The following TSPAN15 variants were observed in gnomAD, a reference collection of about 807,000 sequenced individuals.
The protein encoded by TSPAN15 is tetraspanin 15.
A neutral mutation model predicts 34.5 loss-of-function variants in TSPAN15; 20 were observed. That is an observed-to-expected ratio of 0.58 (90% CI 0.41 to 0.84). The LOEUF is 0.84. Ranked by LOEUF, TSPAN15 falls within the 40% of genes least tolerant of loss-of-function variation. The pLI, the probability that TSPAN15 is intolerant of heterozygous loss-of-function variation, is 0.00. For synonymous variants in TSPAN15, 155 were observed against 153.9 expected (o/e 1.01, Z -0.05); for missense variants, 313 against 386.1 (o/e 0.81, Z 1.59).
At chr10:69,525,500 A>G in the TSPAN15 span, among the ~76,000 whole-genome samples, 27 of 145,514 alleles carry the variant, frequency 1.9e-4, no homozygotes, top group African/African-American at 5.7e-4. Flanking sequence ...AAAAAAAAAA[A>G]AAGAAGACTT....
downstream of TSPAN15, among the ~76,000 whole-genome samples, chr10:69,511,149 T>C (rs1454530504): frequency 6.6e-6 from 1 of 152,204 alleles, no homozygotes; most frequent in African/African-American, 2.4e-5. Context: ...TCAGAAGGAA[T>C]GGTACCAGTT....
intron 1 of TSPAN15, among the ~76,000 whole-genome samples, chr10:69,483,302 C>A (rs1413151897): frequency 6.6e-6 from 1 of 152,132 alleles, no homozygotes; most frequent in African/African-American, 2.4e-5. Flanking sequence ...GGGTTGATTT[C>A]TTCCGAGGCT....
chr10:69,459,922 C>CT (rs556777490), intron 1 of TSPAN15, among the ~76,000 whole-genome samples: 10,141 of 128,446 alleles, frequency 0.079, 552 homozygotes, highest in Non-Finnish European at 0.11. Flanking sequence ...CTCTAGGCAC[C>CT]CCCCCCCCAC....
At chr10:69,503,342 C>A (rs1408388787) in intron 5 of TSPAN15, among the ~76,000 whole-genome samples, 1 of 152,226 alleles carries the variant, frequency 6.6e-6, no homozygotes, top group Non-Finnish European at 1.5e-5. Flanking sequence ...GTGAACAAAT[C>A]ACGCCAGCCA....
chr10:69,492,450 C>A (rs1430882), intron 3 of TSPAN15, among the ~76,000 whole-genome samples: 20,094 of 152,192 alleles, frequency 0.13, 1,740 homozygotes, highest in Non-Finnish European at 0.18. Flanking sequence ...GTGGTGCACA[C>A]TTGCAAGAAC....
chr10:69,512,196 A>G (rs1421594133), downstream of TSPAN15, among the ~76,000 whole-genome samples: 2 of 152,234 alleles, frequency 1.3e-5, no homozygotes, highest in South Asian at 2.1e-4. Flanking sequence ...CCAATGAATG[A>G]CATTATCTTG....
the TSPAN15 span, among the ~76,000 whole-genome samples, chr10:69,539,654 C>G: frequency 6.6e-6 from 1 of 152,108 alleles, no homozygotes; most frequent in East Asian, 1.9e-4. Flanking sequence ...GTGTCTCTCT[C>G]ATGCTGAAGA....
intron 1 of TSPAN15, among the ~76,000 whole-genome samples, chr10:69,458,773 C>T (rs937554604): frequency 3.3e-5 from 5 of 152,170 alleles, no homozygotes; most frequent in African/African-American, 1.2e-4. Flanking sequence ...TATAGATGAG[C>T]AAACTAAGGC....
At chr10:69,470,372 C>T (rs1313505990) in intron 1 of TSPAN15, among the ~76,000 whole-genome samples, 2 of 152,234 alleles carry the variant, frequency 1.3e-5, no homozygotes, top group Non-Finnish European at 2.9e-5. Context: ...TGATGTGAAA[C>T]ACCCTGGTGA....
chr10:69,498,089 CAGG>C (rs1842123964), intron 4 of TSPAN15, among the ~76,000 whole-genome samples, 188 bp from the exon 5 acceptor site: 1 of 152,184 alleles, frequency 6.6e-6, no homozygotes, highest in African/African-American at 2.4e-5. Flanking sequence ...TCTCTAGTGA[CAGG>C]GGGTTCACTA....
intron 5 of TSPAN15, 97 bp from the exon 6 acceptor site, chr10:69,504,341 C>A: frequency 1.6e-6 from 2 of 1,250,818 alleles, no homozygotes; most frequent in Non-Finnish European, 2.3e-6. Flanking sequence ...CGGTGCAACT[C>A]TGTGCTTCGG....
At chr10:69,512,758 A>G in the TSPAN15 span, among the ~76,000 whole-genome samples, 1 of 152,218 alleles carries the variant, frequency 6.6e-6, no homozygotes, top group Non-Finnish European at 1.5e-5. Context: ...TGTAGCATAT[A>G]TCAGAAGTTC....
intron 5 of TSPAN15, among the ~76,000 whole-genome samples, chr10:69,502,012 T>A (rs533799282): frequency 8.2e-4 from 124 of 151,952 alleles, no homozygotes; most frequent in African/African-American, 2.8e-3. Flanking sequence ...AAAATTATTT[T>A]CCTTGAAACC....
chr10:69,515,468 A>C, the TSPAN15 span, among the ~76,000 whole-genome samples: 1 of 149,278 alleles, frequency 6.7e-6, no homozygotes, highest in African/African-American at 2.6e-5. Context: ...ATCTCCTCTG[A>C]GGCTCATTTC....
intron 1 of TSPAN15, among the ~76,000 whole-genome samples, chr10:69,456,592 C>T (rs1035161104): frequency 2.0e-5 from 3 of 152,022 alleles, no homozygotes; most frequent in African/African-American, 7.3e-5. Context: ...AAAATAAGTA[C>T]AGTACAGGGA....
At chr10:69,530,920 A>C in the TSPAN15 span, among the ~76,000 whole-genome samples, 1 of 140,124 alleles carries the variant, frequency 7.1e-6, no homozygotes, top group Non-Finnish European at 1.5e-5. Context: ...AATGAAGGAT[A>C]CTTTAAAGAC....
chr10:69,504,586 A>AT, intron 6 of TSPAN15, 101 bp downstream of exon 6: 1 of 1,201,678 alleles, frequency 8.3e-7, no homozygotes, highest in Non-Finnish European at 1.2e-6. Flanking sequence ...GGCCACTGAG[A>AT]TTTTCCCACA....
intron 1 of TSPAN15, among the ~76,000 whole-genome samples, chr10:69,474,721 C>T (rs1425931839): frequency 6.6e-6 from 1 of 152,138 alleles, no homozygotes; most frequent in African/African-American, 2.4e-5. Flanking sequence ...CCCACCCCAC[C>T]CAGCTCTTCA....
At chr10:69,501,797 G>C (rs1314367690) in intron 5 of TSPAN15, among the ~76,000 whole-genome samples, 1 of 152,118 alleles carries the variant, frequency 6.6e-6, no homozygotes, top group Non-Finnish European at 1.5e-5. Flanking sequence ...GGTTGAGGGA[G>C]CATTGCCACC....
Sources: allele counts gnomAD v4.1 joint callset (sites outside exome capture counted in the v4.1 genomes callset), GRCh38; gene constraint gnomAD v4.1.1; transcripts MANE v1.5; gene names NCBI Gene and HGNC (gene_info 2026-07-23, HGNC 2026-07-21).